The following PAX8 variants were observed in gnomAD, a reference collection of about 807,000 sequenced individuals.
PAX8 encodes the protein paired box 8.
In PAX8, 15 loss-of-function variants were observed where a neutral mutation model predicts 52.4. That is an observed-to-expected ratio of 0.29 (90% CI 0.19 to 0.44). PAX8 has a LOEUF of 0.44. PAX8 is among the 20% of genes least tolerant of loss of function. PAX8 has a pLI of 1.00. For synonymous variants in PAX8, 284 were observed against 249.7 expected (o/e 1.14, Z -1.29); for missense variants, 554 against 602.5 (o/e 0.92, Z 0.84).
In PAX8 at chr2:113,235,434, G is replaced by C. The variant is rs1573435665; in HGVS notation, c.1047C>G (p.Ala349=). 1.9e-6 allele frequency: 3 copies of C among 1,606,276 alleles called. No homozygotes were observed. In the African/African-American group the frequency reaches 4.0e-5, roughly 21 times the overall value. ...VPPFNAFPHA[A]SVYGQFTGQA... ...GGCCCGTGAACTGCCCGTACACGGA[G>C]GCAGCATGGGGAAAGGCATTGAAGG... The change falls in exon 9 of 12, where the codon GCC becomes GCG. Residue 349 remains alanine (A), a synonymous_variant. Transcript: ENST00000429538.
At chr2:113,277,320 G>C (rs1157835746) in intron 2 of PAX8, among the ~76,000 whole-genome samples, 1 of 152,240 alleles carries the variant, frequency 6.6e-6, no homozygotes, top group Non-Finnish European at 1.5e-5. Context: ...TGGAGACTGC[G>C]CCGCAGAGCC....
At chr2:113,223,712 C>A (rs923216857) in intron 10 of PAX8, among the ~76,000 whole-genome samples, 3 of 152,218 alleles carry the variant, frequency 2.0e-5, no homozygotes, top group African/African-American at 7.2e-5. Flanking sequence ...TACATCATCC[C>A]ATTTTATTGT....
At chr2:113,244,012 T>C (rs929222968) in intron 4 of PAX8, among the ~76,000 whole-genome samples, 2 of 152,174 alleles carry the variant, frequency 1.3e-5, no homozygotes, top group African/African-American at 4.8e-5. Flanking sequence ...AATGAATTAA[T>C]GAACAAGCGA....
chr2:113,275,274 A>C (rs928892275), intron 2 of PAX8: 2 of 152,218 alleles, frequency 1.3e-5, no homozygotes, highest in Non-Finnish European at 2.9e-5. Context: ...AGGTAGCTAA[A>C]TTATCTCCTA....
rs557926582 is a variant in PAX8, at chr2:113,236,873, C to T, written c.778-152G>A. ...CTTCCTTTACGTTCTCAACTCCACT[C>T]GGCACGTTTCGTTCATGCTCATTGT... On this transcript the variant is annotated intron_variant, in intron 7 of 11. Transcript: ENST00000429538. 1,644 of 877,308 alleles carry T rather than the reference C, an allele frequency of 1.9e-3. 2 individuals are homozygous for T. Among genetic ancestry groups the T allele is most frequent in the Non-Finnish European group, 2.1e-3 (1,284 of 597,408 alleles). The allele number at this position is 877,308 out of a possible 1,614,324, so 54.3% of individuals were successfully genotyped here.
intron 2 of PAX8, chr2:113,267,448 C>T (rs183820553): frequency 4.6e-5 from 7 of 152,184 alleles, no homozygotes; most frequent in Admixed American, 6.5e-5. Flanking sequence ...CTACCCATGA[C>T]CCGTAACTTC....
rs886054792 is a variant in PAX8, at chr2:113,227,159, C to T, written c.1185G>A (p.Val395=). 2.1e-5 allele frequency: 34 copies of T among 1,595,598 alleles called. No homozygotes were observed. Among genetic ancestry groups the T allele is most frequent in the Non-Finnish European group, 2.6e-5 (30 of 1,172,350 alleles). Residue 395 remains valine, a synonymous_variant, in exon 10 of 12, where the codon GTG becomes GTA. Coordinates refer to ENST00000429538, the MANE Select transcript of PAX8 (RefSeq NM_003466.4). ...TCCTGCCGGCCCTCTCCTTACCTGC[C>T]ACCATGCCTGCGATGGCAGAGGAGG... ...SYASSAIAGM[V]AGSEYSGNAY...
At position 113,244,456 on chromosome 2, in the gene PAX8, G is replaced by A. The variant is rs772264894; in HGVS notation, c.360C>T (p.Asp120=). ...TAATGGAGCTGACACTGGGCACAGT[G>A]TCATTGTCACAGACGCCCTCAGCCA... ...RLLAEGVCDN[D]TVPSVSSINR... The change falls in exon 4 of 12, where the codon GAC becomes GAT. Residue 120 remains aspartate (D), a synonymous_variant. Transcript: ENST00000429538. The A allele has an allele frequency of 6.2e-7, 1 of 1,614,016 alleles. No individual in the cohort carries two copies. Among genetic ancestry groups the A allele is most frequent in the Non-Finnish European group, 8.5e-7 (1 of 1,179,872 alleles).
At chr2:113,245,555 C>T (rs1233087700) in intron 3 of PAX8, among the ~76,000 whole-genome samples, 2 of 152,130 alleles carry the variant, frequency 1.3e-5, no homozygotes, top group African/African-American at 4.8e-5. Context: ...TTGCTTGGAT[C>T]CCCAGCCAGG....
chr2:113,217,038 G>C lies in PAX8; in HGVS notation c.*1495C>G, dbSNP rs560853192. ...GCAGGCTCCAGTCACAGCTATTCCC[G>C]GATCCCTCACTAACCCACCCTGCTG... On this transcript the variant is annotated 3_prime_UTR_variant, in exon 12 of 12. Transcript: ENST00000429538. The C allele has an allele frequency of 4.3e-6, 1 of 231,238 alleles. No homozygotes were observed. The highest frequency in any genetic ancestry group is 5.6e-5 in the Admixed American group (1 of 17,718). The allele number at this position is 231,238 out of a possible 1,614,324, so 14.3% of individuals were successfully genotyped here. A position where few individuals can be genotyped will look rare whatever the true frequency, so the allele number is the denominator to read the frequency against.
intron 5 of PAX8, 79 bp downstream of exon 5, chr2:113,242,597 GGTGTGTCTGTGTGT>G: frequency 1.2e-6 from 1 of 859,250 alleles, no homozygotes; most frequent in Non-Finnish European, 2.0e-6. Context: ...TGTCTGTGTG[GGTGTGTCTGTGTGT>G]GCCTCTGTGT....
intron 2 of PAX8, among the ~76,000 whole-genome samples, chr2:113,251,275 G>A (rs549444874): frequency 8.5e-5 from 13 of 152,282 alleles, no homozygotes; most frequent in Non-Finnish European, 1.3e-4. Context: ...GACGATTGGC[G>A]CCCACTGTGC....
At chr2:113,235,079 TTCTA>T (rs1324891055) in intron 9 of PAX8, among the ~76,000 whole-genome samples, 4 of 152,202 alleles carry the variant, frequency 2.6e-5, no homozygotes, top group South Asian at 2.1e-4. Context: ...TCATTTTTCC[TTCTA>T]TCTATTTATG....
chr2:113,245,912 A>G (rs1691280553), intron 3 of PAX8, among the ~76,000 whole-genome samples: 1 of 152,168 alleles, frequency 6.6e-6, no homozygotes, highest in Non-Finnish European at 1.5e-5. Flanking sequence ...ACCTTGTCCA[A>G]CCAGGGCTCC....
At chr2:113,256,576 A>G (rs983804960) in intron 2 of PAX8, among the ~76,000 whole-genome samples, 2 of 151,692 alleles carry the variant, frequency 1.3e-5, no homozygotes, top group African/African-American at 4.8e-5. Flanking sequence ...TATTCTATAT[A>G]TATATACATA....
chr2:113,250,045 A>T (rs1558729124), intron 2 of PAX8, among the ~76,000 whole-genome samples: 1 of 152,092 alleles, frequency 6.6e-6, no homozygotes, highest in African/African-American at 2.4e-5. Context: ...AGGTGGGTGG[A>T]TCACGAGGTC....
intron 2 of PAX8, among the ~76,000 whole-genome samples, chr2:113,253,976 A>C (rs527618149): frequency 6.6e-6 from 1 of 152,260 alleles, no homozygotes; most frequent in African/African-American, 2.4e-5. Flanking sequence ...CCAGATAGAA[A>C]GCTCCATGAG....
In PAX8 at chr2:113,235,474, C is replaced by T; in HGVS notation, c.1007G>A (p.Gly336Asp). 6.2e-7 allele frequency: 1 copy of T among 1,613,336 alleles called. No individual in the cohort carries two copies. Among genetic ancestry groups the T allele is most frequent in the Non-Finnish European group, 8.5e-7 (1 of 1,179,606 alleles). ...GGCATTGAAGGGCGGGACCCCGGAG[C>T]CGACTTGCTGCAGATCCAAAAAGGC... The part of the protein sequence containing the change: ...SSAFLDLQQV[G>D]SGVPPFNAFP... The change falls in exon 9 of 12, where the codon GGC (glycine) becomes GAC (aspartate). Residue 336 changes from glycine to aspartate, a missense_variant. Physicochemically the swap from Gly to Asp is moderately conservative, Grantham distance 94 (BLOSUM62 -1). Transcript: ENST00000429538.
At chr2:113,257,659 C>G (rs1244900449) in intron 2 of PAX8, among the ~76,000 whole-genome samples, 1 of 152,066 alleles carries the variant, frequency 6.6e-6, no homozygotes, top group Admixed American at 6.5e-5. Flanking sequence ...GGGAGAGAAT[C>G]AAACTAGGCT....
Sources: gnomAD v4.1 joint callset for allele counts (sites outside exome capture counted in the v4.1 genomes callset) on GRCh38, gnomAD v4.1.1 for gene constraint, MANE v1.5 for transcripts, NCBI Gene and HGNC (gene_info 2026-07-23, HGNC 2026-07-21) for gene names.